Variants in SLC14A2 observed in about 807,000 individuals in gnomAD.
The protein encoded by SLC14A2 is urea transporter 2.
In SLC14A2, 91 loss-of-function variants were observed where a neutral mutation model predicts 104.6. The observed-to-expected ratio is 0.87, with a 90% CI of 0.73 to 1.04. The LOEUF is 1.04. Ranked by LOEUF, SLC14A2 falls within the 50% of genes least tolerant of loss-of-function variation. SLC14A2 has a pLI of 0.00. For missense variants in SLC14A2, 1,189 were observed against 1,156.0 expected (o/e 1.03, Z -0.41); for synonymous variants, 476 against 466.4 (o/e 1.02, Z -0.27).
At chr18:45,532,295 A>G (rs1236184724) in intron 2 of SLC14A2, among the ~76,000 whole-genome samples, 2 of 152,140 alleles carry the variant, frequency 1.3e-5, no homozygotes, top group Non-Finnish European at 2.9e-5. Flanking sequence ...CTTGGGCAGT[A>G]TGGCCATTTT....
intron 1 of SLC14A2, among the ~76,000 whole-genome samples, chr18:45,346,703 G>A (rs1598704176): frequency 6.6e-6 from 1 of 151,990 alleles, no homozygotes; most frequent in African/African-American, 2.4e-5. Context: ...CAAGATGGGT[G>A]GATCACATGA....
At chr18:45,254,576 C>T (rs147228259) in intron 1 of SLC14A2, among the ~76,000 whole-genome samples, 5 of 152,278 alleles carry the variant, frequency 3.3e-5, no homozygotes, top group African/African-American at 1.2e-4. Flanking sequence ...AATTTTCATG[C>T]TTTGAAGGCC....
intron 1 of SLC14A2, among the ~76,000 whole-genome samples, chr18:45,343,459 A>T (rs2144288837): frequency 6.6e-6 from 1 of 151,594 alleles, no homozygotes; most frequent in East Asian, 1.9e-4. Context: ...CCCTCCTGTG[A>T]CCCCCTGACG....
At chr18:45,261,241 T>C (rs111768665) in intron 1 of SLC14A2, among the ~76,000 whole-genome samples, 2,098 of 146,650 alleles carry the variant, frequency 0.014, 46 homozygotes, top group South Asian at 0.043. Context: ...TCAATTCCCA[T>C]CTATGAGTGA....
At position 45,644,084 on chromosome 18, in the gene SLC14A2, CAA is replaced by C. The variant is rs1464113210; in HGVS notation, c.1277_1278del (p.Lys426SerfsTer18). 2.5e-6 allele frequency: 4 copies of C among 1,614,108 alleles called. No individual in the cohort carries two copies. Among genetic ancestry groups the C allele is most frequent in the Admixed American group, 3.3e-5 (2 of 60,012 alleles). On this transcript the variant is annotated frameshift_variant, in exon 10 of 20. Coordinates refer to ENST00000255226, the MANE Select transcript of SLC14A2 (RefSeq NM_007163.4). LOFTEE classifies it high-confidence loss of function. Reference protein sequence around the residue: ...NPAIFRLPLSKVTYPEANRIY... With the variant: ...NPAIFRLPLSXVTYPEANRIY... ...CAGCCATCTTCAGACTCCCACTCAG[CAA>C]AGTCACCTACCCCGAGGCCAACCGC...
In SLC14A2 at chr18:45,353,017, C is replaced by T. The variant is rs140921364; in HGVS notation, c.-124-130216C>T. Reference sequence around the variant, plus strand: ...AACAGCTGGATTGGTTACAGGTTGGCCTTTGTTTCATTTGAATACAGTCTG... The same window carrying T: ...AACAGCTGGATTGGTTACAGGTTGGTCTTTGTTTCATTTGAATACAGTCTG... On this transcript the variant is annotated intron_variant, in intron 1 of 20. Coordinates refer to the SLC14A2 transcript ENST00000586448. Among the ~76,000 whole-genome samples the T allele has an allele frequency of 3.4e-3, 520 of 152,240 alleles. 2 individuals carry two copies. Among genetic ancestry groups the T allele is most frequent in the African/African-American group, 0.012 (495 of 41,540 alleles).
chr18:45,391,911 G>A (rs1441954256), intron 1 of SLC14A2, among the ~76,000 whole-genome samples: 2 of 152,176 alleles, frequency 1.3e-5, no homozygotes, highest in East Asian at 1.9e-4. Context: ...CTTTTGCTGT[G>A]CAGAAGCTCT....
At chr18:45,454,249 T>A (rs1314263639) in intron 1 of SLC14A2, among the ~76,000 whole-genome samples, 3 of 152,224 alleles carry the variant, frequency 2.0e-5, no homozygotes, top group Non-Finnish European at 4.4e-5. Flanking sequence ...AACTTCCTTT[T>A]TTTTAACATG....
chr18:45,269,205 G>A (rs560468565), intron 1 of SLC14A2, among the ~76,000 whole-genome samples: 1 of 152,058 alleles, frequency 6.6e-6, no homozygotes, highest in Non-Finnish European at 1.5e-5. Flanking sequence ...AGAGTGGATA[G>A]GCTGGATTTC....
intron 1 of SLC14A2, among the ~76,000 whole-genome samples, chr18:45,265,707 G>C (rs536866899): frequency 9.8e-5 from 15 of 152,290 alleles, no homozygotes; most frequent in African/African-American, 3.4e-4. Flanking sequence ...CTGAGTAAAA[G>C]GTGCTTCAGG....
At chr18:45,663,742 G>A (rs1240741483) in intron 10 of SLC14A2, 43 bp from the exon 11 acceptor site, 5 of 1,597,908 alleles carry the variant, frequency 3.1e-6, no homozygotes, top group South Asian at 2.3e-5. Flanking sequence ...CTCAGGTGCG[G>A]ACTAGGTGGG....
intron 1 of SLC14A2, among the ~76,000 whole-genome samples, chr18:45,385,325 G>C (rs565457519): frequency 1.3e-5 from 2 of 152,342 alleles, no homozygotes; most frequent in South Asian, 2.1e-4. Context: ...CACACTAAGG[G>C]AGTTGGGCTG....
Position 45,673,698 on chromosome 18 carries a change from C to T in SLC14A2, c.2393C>T (p.Thr798Met), listed in dbSNP as rs769428059. ...MGMLAALTIA[T>M]PFDSIYFGLC... The stretch of plus-strand genomic sequence containing the variant: ...TCTGTCACAGCACTCACTATTGCGA[C>T]GCCCTTTGACTCCATCTACTTCGGC... Residue 798 changes from threonine (T) to methionine (M), a missense_variant, in exon 18 of 20, where the codon ACG (threonine) becomes ATG (methionine). Physicochemically the swap from Thr to Met is moderately conservative, Grantham distance 81. Coordinates refer to ENST00000255226, the MANE Select transcript of SLC14A2 (RefSeq NM_007163.4). The T allele has an allele frequency of 1.4e-4, 227 of 1,613,942 alleles. 1 individual carries two copies. The Middle Eastern group carries it at 1.5e-3, about 11-fold the overall frequency.
intron 1 of SLC14A2, among the ~76,000 whole-genome samples, chr18:45,260,449 C>A (rs1315738717): frequency 2.6e-5 from 4 of 152,134 alleles, no homozygotes; most frequent in African/African-American, 9.7e-5. Context: ...ACTCAGTAAC[C>A]CTACTACTGG....
chr18:45,325,621 C>A (rs1752575383), intron 1 of SLC14A2, among the ~76,000 whole-genome samples: 1 of 152,122 alleles, frequency 6.6e-6, no homozygotes, highest in Admixed American at 6.5e-5. Flanking sequence ...GTAGCACTAC[C>A]TTCTAGGACA....
chr18:45,407,180 T>A (rs2086164967), intron 1 of SLC14A2, among the ~76,000 whole-genome samples: 1 of 152,204 alleles, frequency 6.6e-6, no homozygotes, highest in South Asian at 2.1e-4. Context: ...GTATCCACCT[T>A]CATCAATGAT....
the SLC14A2 span, among the ~76,000 whole-genome samples, chr18:45,191,065 T>C: frequency 3.3e-5 from 5 of 152,116 alleles, no homozygotes; most frequent in African/African-American, 9.7e-5. Context: ...ACAGCTCCCA[T>C]GGTGTCCCAG....
At chr18:45,559,633 T>A (rs923511321) in intron 2 of SLC14A2, among the ~76,000 whole-genome samples, 5 of 152,234 alleles carry the variant, frequency 3.3e-5, no homozygotes, top group African/African-American at 1.2e-4. Context: ...CCTCCCACTC[T>A]CCTCCAAAAT....
intron 2 of SLC14A2, among the ~76,000 whole-genome samples, chr18:45,485,899 G>A (rs1011626430): frequency 5.9e-5 from 9 of 152,068 alleles, no homozygotes; most frequent in Admixed American, 3.9e-4. Flanking sequence ...ACCAGCCCCC[G>A]GCCCCAGACC....
Sources: allele counts gnomAD v4.1 joint callset (sites outside exome capture counted in the v4.1 genomes callset), GRCh38; gene constraint gnomAD v4.1.1; transcripts MANE v1.5; gene names NCBI Gene and HGNC (gene_info 2026-07-23, HGNC 2026-07-21).